Variants in SNX4 observed in about 807,000 individuals in gnomAD.
SNX4 encodes the protein sorting nexin-4.
SNX4 carries 49 observed loss-of-function variants against 70.8 expected under a neutral mutation model. The observed-to-expected ratio is 0.69, with a 90% CI of 0.55 to 0.88. The LOEUF (loss-of-function observed/expected upper bound fraction) is 0.88, where lower values mean the gene tolerates loss of function less well. Ranked by LOEUF, SNX4 falls within the 40% of genes least tolerant of loss-of-function variation. SNX4 has a pLI of 0.00. For synonymous variants in SNX4, 206 were observed against 183.8 expected, an observed-to-expected ratio of 1.12 and a Z score of -0.98; for missense variants, 528 against 544.8, an observed-to-expected ratio of 0.97 and a Z score of 0.31.
chr3:125,463,422 G>A (rs1017992352), intron 9 of SNX4, among the ~76,000 whole-genome samples: 4 of 151,986 alleles, frequency 2.6e-5, no homozygotes, highest in Admixed American at 6.6e-5. Context: ...CTAGGGTGGG[G>A]AAGTATAAAT....
At chr3:125,504,541 C>T in intron 2 of SNX4, 82 bp downstream of exon 2, 12 of 1,308,312 alleles carry the variant, frequency 9.2e-6, no homozygotes, top group Non-Finnish European at 1.3e-5. Flanking sequence ...TTAAAAAATT[C>T]TGTTATACAG....
chr3:125,496,208 C>A (rs36102274), intron 5 of SNX4, among the ~76,000 whole-genome samples: 2 of 152,206 alleles, frequency 1.3e-5, no homozygotes, highest in African/African-American at 4.8e-5. Flanking sequence ...GCAGGCGGAT[C>A]GCTTGAGTCC....
chr3:125,480,433 T>C (rs1934384284), intron 6 of SNX4, 114 bp from the exon 7 acceptor site: 10 of 455,360 alleles, frequency 2.2e-5, no homozygotes, highest in Middle Eastern at 3.5e-4. Flanking sequence ...TTTAACCATA[T>C]GCTGGCCTTA....
chr3:125,502,898 C>A, intron 2 of SNX4, among the ~76,000 whole-genome samples: 5 of 144,186 alleles, frequency 3.5e-5, no homozygotes, highest in African/African-American at 5.2e-5. Context: ...ATTGTTATAA[C>A]ACTTAACTTG....
At chr3:125,500,870 AT>A (rs908395470) in intron 2 of SNX4, among the ~76,000 whole-genome samples, 1 of 140,756 alleles carries the variant, frequency 7.1e-6, no homozygotes, top group Non-Finnish European at 1.5e-5. Context: ...TTTTTAAAGT[AT>A]TTTTTAGGTG....
chr3:125,489,569 C>A, intron 5 of SNX4, 106 bp from the exon 6 acceptor site: 1 of 846,528 alleles, frequency 1.2e-6, no homozygotes, highest in South Asian at 1.5e-5. Context: ...CAGTTTTCTT[C>A]ATATCAATTG....
At chr3:125,479,265 G>A (rs769207362) in intron 7 of SNX4, among the ~76,000 whole-genome samples, 1 of 152,002 alleles carries the variant, frequency 6.6e-6, no homozygotes, top group Non-Finnish European at 1.5e-5. Context: ...CATTTCAAGA[G>A]GATTCTGGCC....
chr3:125,498,238 AATAC>A, intron 2 of SNX4, 44 bp from the exon 3 acceptor site: 1 of 1,524,506 alleles, frequency 6.6e-7, no homozygotes, highest in Non-Finnish European at 9.0e-7. Context: ...TATAAACAAA[AATAC>A]ATACACATAA....
At chr3:125,501,566 G>T (rs560109248) in intron 2 of SNX4, among the ~76,000 whole-genome samples, 3 of 151,486 alleles carry the variant, frequency 2.0e-5, no homozygotes, top group Non-Finnish European at 4.4e-5. Flanking sequence ...GTTGCAGTGA[G>T]TCAAGATCAT....
At chr3:125,504,400 G>A (rs1353656917) in intron 2 of SNX4, among the ~76,000 whole-genome samples, 4 of 150,612 alleles carry the variant, frequency 2.7e-5, no homozygotes, top group Non-Finnish European at 4.4e-5. Flanking sequence ...AGGAAACTGA[G>A]GTGACCCCAG....
At chr3:125,479,556 A>AAATAATAATAATAAT (rs377153136) in intron 7 of SNX4, among the ~76,000 whole-genome samples, 2 of 150,538 alleles carry the variant, frequency 1.3e-5, no homozygotes, top group African/African-American at 4.9e-5. Context: ...CTCCATCTCA[A>AAATAATAATAATAAT]AATAATAATA....
At chr3:125,510,379 C>A (rs891190196) in intron 1 of SNX4, among the ~76,000 whole-genome samples, 2 of 151,844 alleles carry the variant, frequency 1.3e-5, no homozygotes, top group African/African-American at 2.4e-5. Flanking sequence ...TACAGGCGCC[C>A]GCCACACGCC....
intron 1 of SNX4, among the ~76,000 whole-genome samples, chr3:125,507,801 T>C (rs1444760971): frequency 6.6e-6 from 1 of 152,046 alleles, no homozygotes; most frequent in Non-Finnish European, 1.5e-5. Context: ...TGGGAAAAAT[T>C]AAGACATTTC....
intron 11 of SNX4, among the ~76,000 whole-genome samples, chr3:125,455,547 G>C (rs75658910): frequency 0.014 from 2,107 of 152,232 alleles, 39 homozygotes; most frequent in African/African-American, 0.046. Flanking sequence ...TGACATGTAG[G>C]ATAGAGAACC....
intron 10 of SNX4, among the ~76,000 whole-genome samples, chr3:125,458,002 T>A (rs908440234): frequency 2.0e-5 from 3 of 152,102 alleles, no homozygotes; most frequent in African/African-American, 7.2e-5. Context: ...ACTACATACA[T>A]AATGTATACA....
Position 125,506,817 on chromosome 3 carries a change from T to TGAAAAAAAAAAA in SNX4, c.142-2074_142-2073insTTTTTTTTTTTC, listed in dbSNP as rs199752160. ...AACTTAAAGAAAGATGTGGAGAAAG[T>TGAAAAAAAAAAA]AAAAAAAAAAAAAAAAAAAAAAAAA... On this transcript the variant is annotated intron_variant, in intron 1 of 13. Transcript: ENST00000251775. Among the ~76,000 whole-genome samples the TGAAAAAAAAAAA allele has an allele frequency of 3.0e-4, 8 of 26,820 alleles. 1 individual carries two copies. Among genetic ancestry groups the TGAAAAAAAAAAA allele is most frequent in the African/African-American group, 7.8e-4 (8 of 10,264 alleles). The allele number at this position is 26,820 out of a possible 152,430, so 17.6% of individuals were successfully genotyped here.
chr3:125,485,976 G>A (rs1377010532), intron 6 of SNX4, among the ~76,000 whole-genome samples: 2 of 152,140 alleles, frequency 1.3e-5, no homozygotes, highest in African/African-American at 4.8e-5. Context: ...GAGTAGCTGG[G>A]ATTACAGGTG....
intron 11 of SNX4, among the ~76,000 whole-genome samples, chr3:125,454,641 A>C (rs187529099): frequency 1.9e-3 from 292 of 152,334 alleles, no homozygotes; most frequent in Middle Eastern, 6.8e-3. Flanking sequence ...AGGGATCCTT[A>C]AACCAATCTC....
intron 11 of SNX4, among the ~76,000 whole-genome samples, 196 bp downstream of exon 11, chr3:125,457,070 A>C (rs910293760): frequency 3.9e-5 from 6 of 152,112 alleles, no homozygotes; most frequent in Non-Finnish European, 8.8e-5. Context: ...AATGGCTTAC[A>C]TCATTTTGTA....
Sources: gnomAD v4.1 joint callset for allele counts (sites outside exome capture counted in the v4.1 genomes callset) on GRCh38, gnomAD v4.1.1 for gene constraint, MANE v1.5 for transcripts, NCBI Gene and HGNC (gene_info 2026-07-23, HGNC 2026-07-21) for gene names.